The following LARS2 variants were observed in gnomAD, a reference collection of about 807,000 sequenced individuals.
The protein encoded by LARS2 is leucyl-tRNA synthetase 2, mitochondrial, also known as leucine--tRNA ligase, mitochondrial.
LARS2 carries 81 observed loss-of-function variants against 116.6 expected under a neutral mutation model. The ratio of observed to expected loss-of-function variants is 0.69; its 90% CI spans 0.58 to 0.84. The LOEUF is 0.84. Ranked by LOEUF, LARS2 falls within the 40% of genes least tolerant of loss-of-function variation. LARS2 has a pLI of 0.00. For synonymous variants in LARS2, 396 were observed against 407.2 expected (o/e 0.97, Z 0.33); for missense variants, 968 against 1,114.5 (o/e 0.87, Z 1.87).
chr3:45,421,901 T>C (rs529583891), intron 6 of LARS2: 125 of 152,350 alleles, frequency 8.2e-4, no homozygotes, highest in Non-Finnish European at 1.1e-3. Flanking sequence ...CCCTCATGAC[T>C]GTGTGGCTAA....
intron 14 of LARS2, among the ~76,000 whole-genome samples, 194 bp downstream of exon 14, chr3:45,496,567 G>A (rs1700014875): frequency 1.3e-5 from 2 of 152,210 alleles, no homozygotes; most frequent in Admixed American, 6.5e-5. Context: ...GAAAGGAGAA[G>A]GGAAAGGAAG....
Position 45,548,388 on chromosome 3 carries a change from G to T in LARS2, c.*858G>T, listed in dbSNP as rs920272451. 1 of 152,332 alleles carries T rather than the reference G, an allele frequency of 6.6e-6. No individual in the cohort carries two copies. The allele number at this position is 152,332 out of a possible 1,614,324, so 9.4% of individuals were successfully genotyped here. ...AACCTCAGAGCCCCACCGCAGCCCA[G>T]TAGGGATGCAGCACGCCCCAGAGGG... On this transcript the variant is annotated 3_prime_UTR_variant, in exon 22 of 22. Coordinates refer to ENST00000645846, the MANE Select transcript of LARS2 (RefSeq NM_015340.4).
chr3:45,428,511 C>T (rs1405060435), intron 6 of LARS2, among the ~76,000 whole-genome samples: 1 of 152,156 alleles, frequency 6.6e-6, no homozygotes, highest in East Asian at 1.9e-4. Context: ...TCCCAAAGTG[C>T]TGGGATTACA....
At chr3:45,479,701 A>G (rs1699666123) in intron 10 of LARS2, among the ~76,000 whole-genome samples, 1 of 152,208 alleles carries the variant, frequency 6.6e-6, no homozygotes. Flanking sequence ...GACTTAAGTC[A>G]TGTTATGTAA....
chr3:45,454,809 C>G (rs1453304190), intron 7 of LARS2, among the ~76,000 whole-genome samples: 1 of 152,166 alleles, frequency 6.6e-6, no homozygotes, highest in Non-Finnish European at 1.5e-5. Context: ...ATGAGGGAAG[C>G]TATTGATAGA....
intron 15 of LARS2, among the ~76,000 whole-genome samples, chr3:45,505,492 C>A (rs1700186172): frequency 1.3e-5 from 2 of 151,318 alleles, no homozygotes; most frequent in South Asian, 4.2e-4. Flanking sequence ...TTGAGACCAG[C>A]CTAGGCAACG....
intron 7 of LARS2, among the ~76,000 whole-genome samples, chr3:45,448,034 T>C (rs188642961): frequency 1.2e-3 from 187 of 152,202 alleles, no homozygotes; most frequent in Middle Eastern, 3.4e-3. Context: ...GATTGCTTGA[T>C]GCCAGGAGTT....
intron 4 of LARS2, among the ~76,000 whole-genome samples, chr3:45,402,976 G>A (rs1403583364): frequency 2.0e-5 from 3 of 151,764 alleles, no homozygotes; most frequent in Admixed American, 6.6e-5. Flanking sequence ...ATGGTGGCCC[G>A]TGCTTGTAAT....
At chr3:45,497,832 G>A (rs1267823189) in intron 14 of LARS2, among the ~76,000 whole-genome samples, 1 of 152,036 alleles carries the variant, frequency 6.6e-6, no homozygotes, top group African/African-American at 2.4e-5. Context: ...GCTTGAACCC[G>A]GGAGGCAGAG....
At chr3:45,515,267 C>G (rs1700355802) in intron 16 of LARS2, among the ~76,000 whole-genome samples, 1 of 152,220 alleles carries the variant, frequency 6.6e-6, no homozygotes, top group African/African-American at 2.4e-5. Flanking sequence ...ATCTGCCAGA[C>G]TTGGATTCTC....
chr3:45,521,545 TA>T (rs1354395560), intron 19 of LARS2, among the ~76,000 whole-genome samples: 7 of 152,142 alleles, frequency 4.6e-5, no homozygotes, highest in Non-Finnish European at 8.8e-5. Flanking sequence ...TTCAGTATGT[TA>T]AAAAAATTTA....
chr3:45,501,575 AT>A (rs1700122364), intron 15 of LARS2, among the ~76,000 whole-genome samples: 1 of 152,196 alleles, frequency 6.6e-6, no homozygotes, highest in Admixed American at 6.5e-5. Context: ...CAGTTTATGT[AT>A]CATACCACCA....
chr3:45,430,029 T>TTTTTTTTTTTTTTTTTTTG (rs1553629354), intron 6 of LARS2, among the ~76,000 whole-genome samples: 2 of 138,850 alleles, frequency 1.4e-5, no homozygotes, highest in Admixed American at 7.2e-5. Context: ...TTTTTTTTTT[T>TTTTTTTTTTTTTTTTTTTG]GAGACAGAGT....
At chr3:45,467,481 A>G (rs1699444085) in intron 8 of LARS2, among the ~76,000 whole-genome samples, 3 of 152,242 alleles carry the variant, frequency 2.0e-5, no homozygotes, top group Admixed American at 1.3e-4. Flanking sequence ...AAAAGAGTAT[A>G]TTAACAACAT....
At chr3:45,540,468 T>C (rs565460879) in intron 20 of LARS2, among the ~76,000 whole-genome samples, 34 of 152,280 alleles carry the variant, frequency 2.2e-4, no homozygotes, top group African/African-American at 8.2e-4. Flanking sequence ...GCCCATACCC[T>C]GAGCCATAGA....
At chr3:45,528,380 G>A (rs1210421434) in intron 20 of LARS2, among the ~76,000 whole-genome samples, 2 of 152,098 alleles carry the variant, frequency 1.3e-5, no homozygotes, top group Non-Finnish European at 2.9e-5. Context: ...ACTTACCTAT[G>A]TGTATTGTAT....
intron 7 of LARS2, among the ~76,000 whole-genome samples, chr3:45,448,912 G>A (rs949762682): frequency 2.0e-5 from 3 of 152,204 alleles, no homozygotes; most frequent in Non-Finnish European, 2.9e-5. Flanking sequence ...GGCCAGTTTG[G>A]GGGCCAGTTT....
chr3:45,485,727 A>T lies in LARS2; in HGVS notation c.1054A>T (p.Thr352Ser). Residue 352 changes from threonine to serine, a missense_variant, in exon 11 of 22, where the codon ACC becomes TCC. Coordinates refer to ENST00000645846, the MANE Select transcript of LARS2 (RefSeq NM_015340.4). ...LTPVMAVNML[T>S]QQEVPVVILA... ...GCCTGTAATGGCTGTGAACATGCTTACCCAGCAGGAGGTCCCTGTCGTTAT... is the reference window on the plus strand; with the variant it reads ...GCCTGTAATGGCTGTGAACATGCTTTCCCAGCAGGAGGTCCCTGTCGTTAT... 6.2e-7 allele frequency: 1 copy of T among 1,611,390 alleles called. No individual in the cohort carries two copies. The highest frequency in any genetic ancestry group is 8.5e-7 in the Non-Finnish European group (1 of 1,178,728).
At chr3:45,439,365 C>CAT in intron 6 of LARS2, among the ~76,000 whole-genome samples, 1 of 151,678 alleles carries the variant, frequency 6.6e-6, no homozygotes, top group Admixed American at 6.6e-5. Context: ...GGATTACAGG[C>CAT]GCCCACCACC....
Sources: allele counts gnomAD v4.1 joint callset (sites outside exome capture counted in the v4.1 genomes callset), GRCh38; gene constraint gnomAD v4.1.1; transcripts MANE v1.5; gene names NCBI Gene and HGNC (gene_info 2026-07-23, HGNC 2026-07-21).